Variants in ANK1 observed in about 807,000 individuals in gnomAD.
ANK1 encodes ankyrin 1, also known as ankyrin-1.
ANK1 carries 51 observed loss-of-function variants against 210.4 expected under a neutral mutation model. That is an observed-to-expected ratio of 0.24 (90% CI 0.19 to 0.31). The LOEUF is 0.31. Ranked by LOEUF, ANK1 falls within the 10% of genes least tolerant of loss-of-function variation. The probability of loss-of-function intolerance (pLI) is 1.00; values close to 1 mark genes in which losing one functional copy is unlikely to be tolerated. For missense variants in ANK1, 2,051 were observed against 2,504.4 expected, an observed-to-expected ratio of 0.82 and a Z score of 3.86; for synonymous variants, 967 against 1,025.9, an observed-to-expected ratio of 0.94 and a Z score of 1.10.
chr8:41,865,000 C>T (rs1166447251), intron 1 of ANK1, among the ~76,000 whole-genome samples: 1 of 152,234 alleles, frequency 6.6e-6, no homozygotes, highest in East Asian at 1.9e-4. Context: ...ACGGCAACCC[C>T]TTCCAGAAGC....
At chr8:41,719,525 A>AC (rs35451051) in intron 10 of ANK1, 136 bp downstream of exon 10, 1 of 1,140,298 alleles carries the variant, frequency 8.8e-7, no homozygotes, top group Non-Finnish European at 1.3e-6. Context: ...GTGCTGTCAC[A>AC]CCCCACTGCT....
intron 1 of ANK1, among the ~76,000 whole-genome samples, chr8:41,826,615 A>T (rs539501818): frequency 2.6e-5 from 4 of 152,370 alleles, no homozygotes; most frequent in Non-Finnish European, 5.9e-5. Context: ...AAATCATTTC[A>T]TTGAAAATAG....
chr8:41,710,858 C>A (rs1233052269), intron 16 of ANK1, among the ~76,000 whole-genome samples: 2 of 152,238 alleles, frequency 1.3e-5, no homozygotes, highest in Non-Finnish European at 2.9e-5. Context: ...AGTCAAAGCC[C>A]TGGGTACAGG....
chr8:41,680,636 C>T (rs1815683158), intron 37 of ANK1, among the ~76,000 whole-genome samples: 1 of 151,734 alleles, frequency 6.6e-6, no homozygotes, highest in Admixed American at 6.6e-5. Context: ...CCCTACTTGT[C>T]TTCACTCTGG....
At chr8:41,661,737 G>A (rs772868782) in intron 41 of ANK1, 139 bp downstream of exon 41, 20 of 1,604,284 alleles carry the variant, frequency 1.2e-5, no homozygotes, top group African/African-American at 4.0e-5. Context: ...TCATGCAGAC[G>A]GCCCGGCAGA....
chr8:41,842,561 G>A (rs1809157558), intron 1 of ANK1, among the ~76,000 whole-genome samples: 2 of 152,112 alleles, frequency 1.3e-5, no homozygotes, highest in African/African-American at 2.4e-5. Context: ...AACCATGGGC[G>A]AACCACATAT....
chr8:41,876,499 T>G (rs1243981523), intron 1 of ANK1, among the ~76,000 whole-genome samples: 1 of 152,212 alleles, frequency 6.6e-6, no homozygotes, highest in African/African-American at 2.4e-5. Context: ...TGATGACCTG[T>G]CTTACAGATA....
upstream of ANK1, chr8:41,797,725 G>A: frequency 2.5e-6 from 2 of 814,062 alleles, no homozygotes; most frequent in Non-Finnish European, 3.6e-6. The surrounding 1 kb of genome is among the most constrained non-coding windows in gnomAD (Gnocchi z 4.0). Context: ...CGGAGGGGTG[G>A]CGCCCGCCTG....
chr8:41,705,649 T>G (rs1276434824), intron 18 of ANK1, among the ~76,000 whole-genome samples: 1 of 152,134 alleles, frequency 6.6e-6, no homozygotes, highest in Non-Finnish European at 1.5e-5. Context: ...TGCTCCCAGC[T>G]CCTCTCTTAA....
intron 2 of ANK1, among the ~76,000 whole-genome samples, chr8:41,742,764 C>T (rs1835098079): frequency 6.6e-6 from 1 of 152,094 alleles, no homozygotes; most frequent in South Asian, 2.1e-4. Context: ...GGCAGAGACA[C>T]CAAGGAGTCT....
At chr8:41,882,880 C>T (rs1221270833) in intron 1 of ANK1, among the ~76,000 whole-genome samples, 1 of 152,212 alleles carries the variant, frequency 6.6e-6, no homozygotes, top group East Asian at 1.9e-4. Flanking sequence ...AGCAACTTGG[C>T]GCTGTGTGAC....
At chr8:41,853,824 G>A (rs571980355) in intron 1 of ANK1, among the ~76,000 whole-genome samples, 34 of 152,052 alleles carry the variant, frequency 2.2e-4, no homozygotes, top group Non-Finnish European at 3.4e-4. Context: ...TCAGTGGTGC[G>A]ATCATAGCTC....
rs1453535733 is a variant in ANK1 at position 41,692,742 on chromosome 8, C to T, written c.3764G>A (p.Arg1255His). The T allele has an allele frequency of 3.7e-6, 6 of 1,613,930 alleles. No individual in the cohort carries two copies. The highest frequency in any genetic ancestry group is 1.7e-5 in the Admixed American group (1 of 60,004). Reference sequence around the variant, plus strand: ...ATCTGTCATGCAGTAGCAGCGCAGGCGCCCCTCTCGGGGGTCATTCATCTT... The same window carrying T: ...ATCTGTCATGCAGTAGCAGCGCAGGTGCCCCTCTCGGGGGTCATTCATCTT... ...FAKMNDPREG[R>H]LRCYCMTDDK... is the part of the protein sequence containing the mutation. Residue 1255 changes from arginine to histidine, a missense_variant, in exon 31 of 43, where the codon CGC becomes CAC. Physicochemically the swap from Arg to His is conservative, Grantham distance 29. Transcript: ENST00000289734.
rs765242418 is a variant in ANK1 at position 41,699,518 on chromosome 8, C to A, written c.2492G>T (p.Arg831Met). Residue 831 changes from arginine (R) to methionine (M), a missense_variant, in exon 23 of 43, where the codon AGG (arginine) becomes ATG (methionine). Around this residue, in one of 6 missense-constraint regions of ANK1, gnomAD observed 1,413 missense variants for 1,707.4 expected, o/e 0.83. Coordinates refer to ENST00000289734, the MANE Select transcript of ANK1 (RefSeq NM_000037.4). ...GEELISFKAE[R>M]RDSRDVDEEK... The stretch of plus-strand genomic sequence containing the variant: ...TTCATCAACATCCCTGGAATCCCGC[C>A]TCTCAGCCTTGAAGCTGATGAGTTC... The A allele has an allele frequency of 1.9e-6, 3 of 1,614,206 alleles. No individual in the cohort carries two copies. The highest frequency in any genetic ancestry group is 4.5e-5 in the East Asian group (2 of 44,878).
At chr8:41,702,897 G>A (rs1329921542) in intron 20 of ANK1, among the ~76,000 whole-genome samples, 1 of 152,190 alleles carries the variant, frequency 6.6e-6, no homozygotes, top group Non-Finnish European at 1.5e-5. Context: ...TAGGCTCACT[G>A]TAACCTCTGC....
intron 1 of ANK1, among the ~76,000 whole-genome samples, chr8:41,884,439 G>C (rs936170170): frequency 1.3e-5 from 2 of 152,214 alleles, no homozygotes; most frequent in Non-Finnish European, 2.9e-5. Flanking sequence ...AGTGGGAAGG[G>C]ATCTGGTCAC....
chr8:41,685,433 G>T (rs186796239), intron 36 of ANK1, among the ~76,000 whole-genome samples: 4 of 152,310 alleles, frequency 2.6e-5, no homozygotes, highest in African/African-American at 4.8e-5. Context: ...TTGAGGAGGA[G>T]CTGAAAAGAG....
At chr8:41,707,791 A>G (rs1012075757) in intron 17 of ANK1, among the ~76,000 whole-genome samples, 2 of 152,180 alleles carry the variant, frequency 1.3e-5, no homozygotes, top group African/African-American at 4.8e-5. Flanking sequence ...ATTTGTAAAA[A>G]ATGTGCCAGA....
intron 5 of ANK1, 28 bp from the exon 6 acceptor site, chr8:41,725,974 C>A (rs369733443): frequency 6.2e-7 from 1 of 1,606,814 alleles, no homozygotes; most frequent in Middle Eastern, 1.8e-4. Context: ...ATGCTTTGCT[C>A]TGACTCGTCT....
Sources: allele counts gnomAD v4.1 joint callset (sites outside exome capture counted in the v4.1 genomes callset), GRCh38; gene constraint gnomAD v4.1.1; regional missense constraint gnomAD v4.1.1; non-coding constraint Gnocchi (gnomAD v3.1); transcripts MANE v1.5; gene names NCBI Gene and HGNC (gene_info 2026-07-23, HGNC 2026-07-21).